The following SH3D19 variants were observed in gnomAD, a reference collection of about 807,000 sequenced individuals.
SH3D19 encodes SH3 domain containing 19, also known as SH3 domain-containing protein 19.
A neutral mutation model predicts 112.1 loss-of-function variants in SH3D19; 58 were observed. That is an observed-to-expected ratio of 0.52 (90% CI 0.42 to 0.64). The LOEUF is 0.64. Ranked by LOEUF, SH3D19 falls within the 30% of genes least tolerant of loss-of-function variation. The probability of loss-of-function intolerance (pLI) is 0.00; values close to 1 mark genes in which losing one functional copy is unlikely to be tolerated. For missense variants in SH3D19, 1,090 were observed against 1,263.4 expected, an observed-to-expected ratio of 0.86 and a Z score of 2.08; for synonymous variants, 391 against 448.5, an observed-to-expected ratio of 0.87 and a Z score of 1.62.
Position 151,122,186 on chromosome 4 carries a change from GCT to G in SH3D19, c.3047_3048del (p.Glu1016AlafsTer6), listed in dbSNP as rs771918892. 19 of 1,602,572 alleles carry G rather than the reference GCT, an allele frequency of 1.2e-5. No individual in the cohort carries two copies. In the African/African-American group the frequency reaches 2.3e-4, roughly 19 times the overall value. ...ATCCAGTCATCATCTACAGATTCCA[GCT>G]CTGTTATTATATCTCCAGCCTGTAA... is the stretch of plus-strand genomic sequence containing the variant. ...LSFKAGDIIT[E>X]LESVDDDWMS... On this transcript the variant is annotated frameshift_variant, in exon 20 of 20. Coordinates refer to ENST00000604030, the MANE Select transcript of SH3D19 (RefSeq NM_001378122.1). LOFTEE classifies it high-confidence loss of function.
intron 1 of SH3D19, among the ~76,000 whole-genome samples, chr4:151,269,468 T>C (rs1205027084): frequency 6.6e-6 from 1 of 152,226 alleles, no homozygotes; most frequent in African/African-American, 2.4e-5. Flanking sequence ...TTGTCAATTT[T>C]GGCTTTTGTT....
intron 1 of SH3D19, among the ~76,000 whole-genome samples, chr4:151,232,452 G>A (rs1769686519): frequency 6.6e-6 from 1 of 152,110 alleles, no homozygotes; most frequent in African/African-American, 2.4e-5. Flanking sequence ...CACCCTGTCT[G>A]TACACTTAAG....
intron 2 of SH3D19, among the ~76,000 whole-genome samples, chr4:151,214,840 G>T (rs1309010212): frequency 6.8e-6 from 1 of 147,414 alleles, no homozygotes; most frequent in Non-Finnish European, 1.5e-5. Context: ...TGGACAGGGC[G>T]GCTGCCGGGC....
At chr4:151,159,989 C>A (rs1201269843) in intron 8 of SH3D19, among the ~76,000 whole-genome samples, 4 of 152,036 alleles carry the variant, frequency 2.6e-5, no homozygotes, top group African/African-American at 9.7e-5. Flanking sequence ...TTGTTTTGAA[C>A]CTAAAAGTCC....
chr4:151,198,911 T>C (rs977300632), intron 2 of SH3D19, among the ~76,000 whole-genome samples: 1 of 152,032 alleles, frequency 6.6e-6, no homozygotes, highest in Non-Finnish European at 1.5e-5. Context: ...TCTCTGGAAA[T>C]TGCAACAGAA....
At chr4:151,171,846 T>C (rs2149819718) in intron 7 of SH3D19, among the ~76,000 whole-genome samples, 1 of 152,286 alleles carries the variant, frequency 6.6e-6, no homozygotes, top group Admixed American at 6.5e-5. Flanking sequence ...TTTGTAAAGG[T>C]GTGAAGAAGA....
At chr4:151,233,710 A>G (rs181180731) in intron 1 of SH3D19, among the ~76,000 whole-genome samples, 2 of 152,334 alleles carry the variant, frequency 1.3e-5, no homozygotes, top group Admixed American at 6.5e-5. Flanking sequence ...CGATGTGGAC[A>G]TCTTTGTGCG....
chr4:151,293,370 G>A (rs763038917), intron 1 of SH3D19, among the ~76,000 whole-genome samples: 35 of 151,816 alleles, frequency 2.3e-4, no homozygotes, highest in Non-Finnish European at 4.3e-4. Context: ...CTACTCGGGA[G>A]GCTGAGGCAG....
intron 1 of SH3D19, among the ~76,000 whole-genome samples, chr4:151,269,417 C>G (rs1468366806): frequency 1.3e-5 from 2 of 152,172 alleles, no homozygotes; most frequent in Non-Finnish European, 1.5e-5. Flanking sequence ...ATGGTAGTTT[C>G]TTTTGCTGTG....
intron 2 of SH3D19, among the ~76,000 whole-genome samples, chr4:151,199,813 G>A (rs1764132883): frequency 6.6e-6 from 1 of 152,146 alleles, no homozygotes; most frequent in African/African-American, 2.4e-5. Flanking sequence ...TAATCCCAAT[G>A]TTATTTGTAA....
At chr4:151,278,048 A>ATT (rs1773819706) in intron 1 of SH3D19, among the ~76,000 whole-genome samples, 3 of 152,154 alleles carry the variant, frequency 2.0e-5, no homozygotes, top group Admixed American at 1.3e-4. Flanking sequence ...CCCCCCAAAA[A>ATT]ACAGAAAGGG....
intron 1 of SH3D19, among the ~76,000 whole-genome samples, chr4:151,305,218 G>T (rs778348178): frequency 2.6e-5 from 4 of 152,046 alleles, no homozygotes; most frequent in Non-Finnish European, 4.4e-5. Flanking sequence ...TAAATACAAG[G>T]TATGCAAAGA....
At chr4:151,180,888 C>A (rs112759977) in intron 3 of SH3D19, among the ~76,000 whole-genome samples, 9 of 150,294 alleles carry the variant, frequency 6.0e-5, no homozygotes, top group African/African-American at 2.2e-4. Context: ...CTCAGCCTCC[C>A]GAGTAGCTGG....
intron 1 of SH3D19, among the ~76,000 whole-genome samples, chr4:151,264,115 T>C (rs1382642475): frequency 6.6e-6 from 1 of 152,146 alleles, no homozygotes; most frequent in Non-Finnish European, 1.5e-5. Flanking sequence ...AGCCACAGTC[T>C]TTTTATAACC....
In SH3D19 at chr4:151,320,494, A is replaced by C. The variant is rs548508381; in HGVS notation, c.112+4747T>G. Among the ~76,000 whole-genome samples, 116 of 152,274 alleles carry C rather than the reference A, an allele frequency of 7.6e-4. 1 individual carries two copies. Among genetic ancestry groups the C allele is most frequent in the African/African-American group, 1.9e-3 (78 of 41,546 alleles). The stretch of plus-strand genomic sequence containing the variant: ...AGAAATCATGTTCTTAAAGGGGGTG[A>C]GGGGGGAAGAGACACAAATTATAAA... On this transcript the variant is annotated intron_variant, in intron 1 of 19. Coordinates refer to ENST00000604030, the MANE Select transcript of SH3D19 (RefSeq NM_001378122.1).
intron 13 of SH3D19, 55 bp downstream of exon 13, chr4:151,139,718 GAA>G (rs1375107487): frequency 6.5e-7 from 1 of 1,528,658 alleles, no homozygotes; most frequent in African/African-American, 1.4e-5. Context: ...CCCCGGCAGG[GAA>G]AAAGACTTAC....
rs1200607130 is a variant in SH3D19, at chr4:151,312,469, T to C, written c.112+12772A>G. Reference sequence around the variant, plus strand: ...GTGGGGTCATGAGCACATGTTTTCTTTAAAGTTTCAAAGTTGATTCTGATG... The same window carrying C: ...GTGGGGTCATGAGCACATGTTTTCTCTAAAGTTTCAAAGTTGATTCTGATG... On this transcript the variant is annotated intron_variant, in intron 1 of 19. Coordinates refer to ENST00000604030, the MANE Select transcript of SH3D19 (RefSeq NM_001378122.1). 2.6e-5 allele frequency among the ~76,000 whole-genome samples: 4 copies of C among 152,184 alleles called. No individual in the cohort carries two copies. The East Asian group carries it at 7.7e-4, about 29-fold the overall frequency.
At chr4:151,223,216 C>G (rs1336091994) in intron 2 of SH3D19, among the ~76,000 whole-genome samples, 1 of 150,774 alleles carries the variant, frequency 6.6e-6, no homozygotes, top group Non-Finnish European at 1.5e-5. Context: ...TCAACAGCAG[C>G]TGGTATCTTT....
intron 1 of SH3D19, among the ~76,000 whole-genome samples, chr4:151,317,057 C>T (rs904563976): frequency 1.3e-5 from 2 of 152,192 alleles, no homozygotes; most frequent in African/African-American, 4.8e-5. Flanking sequence ...GTGAATGAAG[C>T]TGCTATCTTG....
Sources: gnomAD v4.1 joint callset for allele counts (sites outside exome capture counted in the v4.1 genomes callset) on GRCh38, gnomAD v4.1.1 for gene constraint, MANE v1.5 for transcripts, NCBI Gene and HGNC (gene_info 2026-07-23, HGNC 2026-07-21) for gene names.